The following DPYD variants were observed in gnomAD, a reference collection of about 807,000 sequenced individuals.
DPYD encodes the protein dihydropyrimidine dehydrogenase [NADP(+)].
A neutral mutation model predicts 116.2 loss-of-function variants in DPYD; 109 were observed. That is an observed-to-expected ratio of 0.94 (90% CI 0.80 to 1.10). The LOEUF (loss-of-function observed/expected upper bound fraction) is 1.10, where lower values mean the gene tolerates loss of function less well. DPYD is among the 50% of genes least tolerant of loss of function. The pLI is 0.00. For synonymous variants in DPYD, 440 were observed against 432.0 expected (o/e 1.02, Z -0.23); for missense variants, 1,302 against 1,254.5 (o/e 1.04, Z -0.57).
At chr1:97,288,869 A>G (rs1019868050) in intron 18 of DPYD, among the ~76,000 whole-genome samples, 2 of 152,066 alleles carry the variant, frequency 1.3e-5, no homozygotes, top group African/African-American at 2.4e-5. Context: ...AGACACAAAA[A>G]ACCCTTCAAA....
At chr1:97,370,197 C>T (rs1671245831) in intron 16 of DPYD, among the ~76,000 whole-genome samples, 2 of 152,104 alleles carry the variant, frequency 1.3e-5, no homozygotes, top group Admixed American at 6.6e-5. Flanking sequence ...GGAATCACCA[C>T]ACTGTCTTCC....
intron 5 of DPYD, chr1:97,720,851 G>A (rs145900717): frequency 1.1e-4 from 176 of 1,605,144 alleles, no homozygotes; most frequent in Non-Finnish European, 1.3e-4. Flanking sequence ...AATAGGAGAC[G>A]TCAGAGAGCC....
chr1:97,388,826 C>T (rs1672508395), intron 14 of DPYD, among the ~76,000 whole-genome samples: 1 of 151,946 alleles, frequency 6.6e-6, no homozygotes, highest in South Asian at 2.1e-4. Flanking sequence ...TATGTTTTTA[C>T]ACTAGTGAAA....
chr1:97,605,262 AT>A (rs1655513406), intron 8 of DPYD, among the ~76,000 whole-genome samples: 1 of 152,116 alleles, frequency 6.6e-6, no homozygotes, highest in Admixed American at 6.6e-5. Flanking sequence ...GTTTGACTGT[AT>A]CCCCACCCAA....
intron 16 of DPYD, among the ~76,000 whole-genome samples, chr1:97,338,417 A>G (rs1272830172): frequency 6.6e-6 from 1 of 152,130 alleles, no homozygotes; most frequent in Admixed American, 6.6e-5. Flanking sequence ...AGAAGAACAG[A>G]GGTCCCAACA....
chr1:97,149,563 G>A (rs753027398), intron 20 of DPYD, among the ~76,000 whole-genome samples: 9 of 152,128 alleles, frequency 5.9e-5, no homozygotes, highest in Non-Finnish European at 7.4e-5. Context: ...GATAACTTTT[G>A]TCTTTCTCCA....
At chr1:97,357,119 C>T (rs1334513745) in intron 16 of DPYD, among the ~76,000 whole-genome samples, 5 of 149,582 alleles carry the variant, frequency 3.3e-5, no homozygotes, top group Admixed American at 2.7e-4. Context: ...ATAATATGAA[C>T]ATTTTAACAA....
chr1:97,540,252 T>C (rs1650324963), intron 12 of DPYD, among the ~76,000 whole-genome samples: 1 of 140,458 alleles, frequency 7.1e-6, no homozygotes, highest in Non-Finnish European at 1.5e-5. Context: ...ACCAACCAGC[T>C]ATAAACTGGG....
intron 3 of DPYD, among the ~76,000 whole-genome samples, chr1:97,808,147 T>C (rs1347799433): frequency 6.6e-6 from 1 of 152,140 alleles, no homozygotes; most frequent in Non-Finnish European, 1.5e-5. Context: ...ATAAGCAAGA[T>C]ATAACCTCCT....
chr1:97,232,456 G>C (rs549530645), intron 19 of DPYD, among the ~76,000 whole-genome samples: 1 of 152,162 alleles, frequency 6.6e-6, no homozygotes, highest in South Asian at 2.1e-4. Flanking sequence ...GCAAAAATTG[G>C]AATATTTTTA....
chr1:97,581,112 T>C (rs2102209976), intron 10 of DPYD, among the ~76,000 whole-genome samples: 1 of 151,836 alleles, frequency 6.6e-6, no homozygotes, highest in East Asian at 1.9e-4. Context: ...CAGACCATCC[T>C]GGCTAGCACG....
At chr1:97,539,989 TCA>T (rs71807936) in intron 12 of DPYD, among the ~76,000 whole-genome samples, 3,778 of 152,166 alleles carry the variant, frequency 0.025, 162 homozygotes, top group African/African-American at 0.085. Flanking sequence ...TAAAACAAAC[TCA>T]GTTTCTCCAC....
At chr1:97,830,520 TG>T (rs1669485616) in intron 2 of DPYD, among the ~76,000 whole-genome samples, 1 of 152,100 alleles carries the variant, frequency 6.6e-6, no homozygotes, top group South Asian at 2.1e-4. Context: ...GAGACCATCC[TG>T]GCCAACATGG....
chr1:97,576,510 T>C (rs998239639), intron 10 of DPYD, among the ~76,000 whole-genome samples: 2 of 152,198 alleles, frequency 1.3e-5, no homozygotes, highest in African/African-American at 4.8e-5. Context: ...AAATTTGGCA[T>C]TAAATTTGGA....
intron 8 of DPYD, among the ~76,000 whole-genome samples, chr1:97,658,216 T>C (rs1659050649): frequency 1.3e-5 from 2 of 152,206 alleles, no homozygotes; most frequent in Non-Finnish European, 2.9e-5. Flanking sequence ...TCTCTGCATA[T>C]CTAAATATAT....
intron 18 of DPYD, among the ~76,000 whole-genome samples, chr1:97,256,133 G>A (rs923658164): frequency 1.9e-4 from 29 of 152,112 alleles, no homozygotes; most frequent in Non-Finnish European, 1.3e-4. Context: ...AAGTGGGAAC[G>A]TCTGACAGTG....
chr1:97,515,988 T>G, intron 12 of DPYD, 47 bp from the exon 13 acceptor site: 1 of 1,544,444 alleles, frequency 6.5e-7, no homozygotes, highest in African/African-American at 1.4e-5. Flanking sequence ...ATCTAAATTG[T>G]CCATATAATA....
intron 21 of DPYD, among the ~76,000 whole-genome samples, chr1:97,097,885 T>A (rs1650381281): frequency 6.6e-6 from 1 of 152,154 alleles, no homozygotes; most frequent in South Asian, 2.1e-4. Flanking sequence ...ACACAAGACC[T>A]CTCTGTATTA....
chr1:97,308,470 C>G (rs1382709838), intron 16 of DPYD: 3 of 151,682 alleles, frequency 2.0e-5, no homozygotes, highest in Non-Finnish European at 4.4e-5. Context: ...CAACTTCTAA[C>G]CAAAATTACC....
Sources: allele counts gnomAD v4.1 joint callset (sites outside exome capture counted in the v4.1 genomes callset), GRCh38; gene constraint gnomAD v4.1.1; transcripts MANE v1.5; gene names NCBI Gene and HGNC (gene_info 2026-07-23, HGNC 2026-07-21).